SLC44A5: variants seen among roughly 807,000 people sequenced by gnomAD.
SLC44A5 encodes the protein choline transporter-like protein 5.
In SLC44A5, 57 loss-of-function variants were observed where a neutral mutation model predicts 101.8. The observed-to-expected ratio is 0.56, with a 90% CI of 0.45 to 0.70. The LOEUF (loss-of-function observed/expected upper bound fraction) is 0.70, where lower values mean the gene tolerates loss of function less well. Among genes scored for constraint, SLC44A5 ranks in the 30% least tolerant of loss-of-function variants. The probability of loss-of-function intolerance (pLI) is 0.00; values close to 1 mark genes in which losing one functional copy is unlikely to be tolerated. For synonymous variants in SLC44A5, 281 were observed against 290.9 expected (o/e 0.97, Z 0.35); for missense variants, 737 against 853.1 (o/e 0.86, Z 1.70).
At chr1:75,265,084 A>AAC (rs963667501) in intron 6 of SLC44A5, among the ~76,000 whole-genome samples, 2 of 152,208 alleles carry the variant, frequency 1.3e-5, no homozygotes, top group African/African-American at 4.8e-5. Context: ...ACAGACCAAT[A>AAC]ACAAATAATG....
intron 1 of SLC44A5, among the ~76,000 whole-genome samples, chr1:75,609,741 G>T (rs1675541429): frequency 6.6e-6 from 1 of 152,114 alleles, no homozygotes; most frequent in African/African-American, 2.4e-5. Context: ...AGAGGGCTAA[G>T]ATTCAAGATC....
At chr1:75,553,738 C>T (rs1672065356) in intron 1 of SLC44A5, among the ~76,000 whole-genome samples, 1 of 152,202 alleles carries the variant, frequency 6.6e-6, no homozygotes, top group Non-Finnish European at 1.5e-5. Context: ...TTATTCATTA[C>T]TGTTGCCTTC....
intron 3 of SLC44A5, among the ~76,000 whole-genome samples, chr1:75,340,410 C>T (rs1657787827): frequency 1.3e-5 from 2 of 152,194 alleles, no homozygotes; most frequent in South Asian, 4.2e-4. Context: ...CTAAGCACTC[C>T]CACCTGTTCC....
In SLC44A5 at chr1:75,272,738, A is replaced by C. The variant is rs183006092; in HGVS notation, c.260+2220T>G. On this transcript the variant is annotated intron_variant, in intron 6 of 23. Transcript: ENST00000370859. ...ACTTCTGGGTTCTCTATTCTTTTCC[A>C]TTGGTCTATGTGCCTATTTTTATAT... Among the ~76,000 whole-genome samples the C allele has an allele frequency of 1.2e-3, 175 of 152,066 alleles. 1 individual carries two copies. The highest frequency in any genetic ancestry group is 3.9e-3 in the African/African-American group (163 of 41,506).
intron 1 of SLC44A5, among the ~76,000 whole-genome samples, chr1:75,584,273 G>T (rs1214135252): frequency 1.3e-5 from 2 of 152,184 alleles, no homozygotes; most frequent in Non-Finnish European, 2.9e-5. Context: ...GAAAGTAAGA[G>T]CAGTGCAGCA....
chr1:75,255,756 G>T (rs1402502281), intron 6 of SLC44A5, among the ~76,000 whole-genome samples: 2 of 152,066 alleles, frequency 1.3e-5, no homozygotes, highest in Non-Finnish European at 2.9e-5. Context: ...ATAAAGAAAT[G>T]ATTTTAAGTA....
the SLC44A5 span, among the ~76,000 whole-genome samples, chr1:75,649,762 A>T: frequency 6.6e-6 from 1 of 152,118 alleles, no homozygotes; most frequent in African/African-American, 2.4e-5. Context: ...TCATGGTTTA[A>T]ACACTATGCC....
chr1:75,238,764 T>C, intron 9 of SLC44A5, 128 bp from the exon 10 acceptor site: 1 of 520,478 alleles, frequency 1.9e-6, no homozygotes, highest in Non-Finnish European at 3.2e-6. Context: ...TCAATATAGA[T>C]AGCTCATTGC....
intron 3 of SLC44A5, among the ~76,000 whole-genome samples, chr1:75,344,529 A>T (rs1658109743): frequency 6.6e-6 from 1 of 152,162 alleles, no homozygotes; most frequent in Non-Finnish European, 1.5e-5. Flanking sequence ...GCCCAATGTG[A>T]TCACAAGGGT....
At chr1:75,334,947 G>A (rs1350833827) in intron 4 of SLC44A5, among the ~76,000 whole-genome samples, 4 of 152,090 alleles carry the variant, frequency 2.6e-5, no homozygotes, top group African/African-American at 9.7e-5. Flanking sequence ...TTAGTTGCTT[G>A]CTTGGCTGAC....
At chr1:75,415,291 T>C (rs929507657) in intron 2 of SLC44A5, among the ~76,000 whole-genome samples, 2 of 152,166 alleles carry the variant, frequency 1.3e-5, no homozygotes, top group African/African-American at 2.4e-5. Flanking sequence ...CTCATGATAG[T>C]GAGTGGGACT....
the SLC44A5 span, among the ~76,000 whole-genome samples, chr1:75,692,186 T>C: frequency 1.8e-5 from 1 of 56,740 alleles, no homozygotes; most frequent in Non-Finnish European, 3.2e-5. Context: ...GATGGGATTC[T>C]TTTTTTTTTT....
chr1:75,586,190 A>T (rs1264477810), intron 1 of SLC44A5, among the ~76,000 whole-genome samples: 2 of 152,146 alleles, frequency 1.3e-5, no homozygotes, highest in Non-Finnish European at 2.9e-5. Context: ...AGGAGAAGTA[A>T]GGGAGAATCT....
intron 2 of SLC44A5, among the ~76,000 whole-genome samples, chr1:75,416,040 C>T (rs1429430458): frequency 2.6e-5 from 4 of 152,202 alleles, no homozygotes; most frequent in African/African-American, 9.6e-5. Context: ...TCCAAGCCAG[C>T]TGCAGAAATT....
At chr1:75,376,223 C>G (rs1179032901) in intron 3 of SLC44A5, among the ~76,000 whole-genome samples, 2 of 152,240 alleles carry the variant, frequency 1.3e-5, no homozygotes, top group Non-Finnish European at 2.9e-5. Flanking sequence ...GCACAGCAGT[C>G]TGAGATCAAA....
rs115945139 is a variant in SLC44A5 at position 75,484,999 on chromosome 1, C to G, written c.13+56436G>C. Among the ~76,000 whole-genome samples, 1,400 of 152,378 alleles carry G rather than the reference C, an allele frequency of 9.2e-3. 21 individuals are homozygous for G. Among genetic ancestry groups the G allele is most frequent in the African/African-American group, 0.032 (1,334 of 41,598 alleles). The stretch of plus-strand genomic sequence containing the variant: ...GCCTGGCCCACAAAACCACTTTTTC[C>G]TCCCAGGCCTCCAGGCCTGTGATAG... On this transcript the variant is annotated intron_variant, in intron 2 of 23. Transcript: ENST00000370859.
At chr1:75,545,534 G>A (rs1182189836) in intron 1 of SLC44A5, among the ~76,000 whole-genome samples, 1 of 152,120 alleles carries the variant, frequency 6.6e-6, no homozygotes, top group Non-Finnish European at 1.5e-5. Context: ...ACATTTCTCA[G>A]TATAACATGT....
At position 75,515,881 on chromosome 1, in the gene SLC44A5, GT is replaced by G. The variant is rs758550743; in HGVS notation, c.13+25553del. ...TACATTCCCATCACAGTGTACAAGG[GT>G]TTTTTTTTTTCCCCATCCTTGCCAA... On this transcript the variant is annotated intron_variant, in intron 2 of 23. Coordinates refer to ENST00000370859, the MANE Select transcript of SLC44A5 (RefSeq NM_001130058.2). Among the ~76,000 whole-genome samples, 673 of 145,982 alleles carry G rather than the reference GT, an allele frequency of 4.6e-3. 5 individuals are homozygous for G. Among genetic ancestry groups the G allele is most frequent in the Admixed American group, 5.7e-3 (83 of 14,634 alleles).
rs148626716 is a variant in SLC44A5 at position 75,449,777 on chromosome 1, C to T, written c.14-53156G>A. ...TAGCACTTTGGGAGGCCGAGAAGGG[C>T]GGATCACAAGGTCAAGAGACCAAGA... is the stretch of plus-strand genomic sequence containing the variant. On this transcript the variant is annotated intron_variant, in intron 2 of 23. Coordinates refer to ENST00000370859, the MANE Select transcript of SLC44A5 (RefSeq NM_001130058.2). Among the ~76,000 whole-genome samples, 483 of 152,060 alleles carry T rather than the reference C, an allele frequency of 3.2e-3. 1 individual carries two copies. Among genetic ancestry groups the T allele is most frequent in the Non-Finnish European group, 5.7e-3 (390 of 67,968 alleles).
Sources: allele counts gnomAD v4.1 joint callset (sites outside exome capture counted in the v4.1 genomes callset), GRCh38; gene constraint gnomAD v4.1.1; transcripts MANE v1.5; gene names NCBI Gene and HGNC (gene_info 2026-07-23, HGNC 2026-07-21).